CTNNA2: variants seen among roughly 807,000 people sequenced by gnomAD.
CTNNA2 encodes catenin alpha-2.
In CTNNA2, 42 loss-of-function variants were observed where a neutral mutation model predicts 101.0. That is an observed-to-expected ratio of 0.42 (90% CI 0.32 to 0.54). The LOEUF is 0.54. Ranked by LOEUF, CTNNA2 falls within the 20% of genes least tolerant of loss-of-function variation. The probability of loss-of-function intolerance (pLI) is 0.14; values close to 1 mark genes in which losing one functional copy is unlikely to be tolerated. For missense variants in CTNNA2, 871 were observed against 1,223.1 expected (o/e 0.71, Z 4.29); for synonymous variants, 450 against 456.4 (o/e 0.99, Z 0.18).
intron 1 of CTNNA2, among the ~76,000 whole-genome samples, chr2:79,646,981 TTCTAAG>T (rs1394986813): frequency 6.6e-6 from 1 of 152,262 alleles, no homozygotes; most frequent in Non-Finnish European, 1.5e-5. Context: ...CCAGTCTGTA[TTCTAAG>T]TCTCTCTACC....
Position 80,599,155 on chromosome 2 carries a change from TTAAAAA to T in CTNNA2, c.2190-4916_2190-4911del, listed in dbSNP as rs1160592397. Among the ~76,000 whole-genome samples, 3 of 152,220 alleles carry T rather than the reference TTAAAAA, an allele frequency of 2.0e-5. No individual in the cohort carries two copies. The South Asian group carries it at 6.2e-4, about 32-fold the overall frequency. On this transcript the variant is annotated intron_variant, in intron 15 of 18. Coordinates refer to ENST00000402739, the MANE Select transcript of CTNNA2 (RefSeq NM_001282597.3). ...ATCTGTAATATTTCAAAATAAAAAG[TTAAAAA>T]TAGAAGACAAACTTAAATAAAATTA...
At chr2:80,082,767 G>T (rs564868141) in intron 7 of CTNNA2, among the ~76,000 whole-genome samples, 1 of 152,190 alleles carries the variant, frequency 6.6e-6, no homozygotes. Flanking sequence ...TTCTTTATAT[G>T]CTATAGCTTT....
chr2:79,196,590 C>A (rs1238422466), intron 1 of CTNNA2, among the ~76,000 whole-genome samples: 1 of 152,174 alleles, frequency 6.6e-6, no homozygotes, highest in Non-Finnish European at 1.5e-5. Context: ...CTATTTTGTA[C>A]AATTGCCCAG....
Position 80,555,211 on chromosome 2 carries a change from T to A in CTNNA2, c.1541-482T>A, listed in dbSNP as rs533288318. 2.6e-5 allele frequency among the ~76,000 whole-genome samples: 4 copies of A among 152,346 alleles called. No homozygotes were observed. In the East Asian group the frequency reaches 7.7e-4, roughly 29 times the overall value. On this transcript the variant is annotated intron_variant, in intron 11 of 18. Coordinates refer to ENST00000402739, the MANE Select transcript of CTNNA2 (RefSeq NM_001282597.3). ...ATGAAAACATGATTAAAGAAACATGTGTCCAAAGCTTTGACTCTGGTTTTA... is the reference window on the plus strand; with the variant it reads ...ATGAAAACATGATTAAAGAAACATGAGTCCAAAGCTTTGACTCTGGTTTTA...
At chr2:79,639,912 GTATTT>G (rs1481402824) in intron 1 of CTNNA2, among the ~76,000 whole-genome samples, 1 of 150,694 alleles carries the variant, frequency 6.6e-6, no homozygotes, top group African/African-American at 2.5e-5. Context: ...CAGAACATTT[GTATTT>G]TATTTTAACT....
At chr2:79,865,941 GA>G (rs1318462144) in intron 4 of CTNNA2, among the ~76,000 whole-genome samples, 13 of 152,292 alleles carry the variant, frequency 8.5e-5, no homozygotes, top group Non-Finnish European at 2.9e-5. Flanking sequence ...GGATGGTCTC[GA>G]AATCCTGACC....
intron 9 of CTNNA2, among the ~76,000 whole-genome samples, chr2:80,494,401 GA>G (rs1377599217): frequency 2.0e-5 from 3 of 152,168 alleles, no homozygotes; most frequent in Non-Finnish European, 4.4e-5. Flanking sequence ...ATACATTCAT[GA>G]AAAGAGTAAC....
chr2:79,961,020 G>T (rs1380543742), intron 7 of CTNNA2, among the ~76,000 whole-genome samples: 3 of 152,160 alleles, frequency 2.0e-5, no homozygotes, highest in Non-Finnish European at 2.9e-5. Flanking sequence ...CTTTTTAATA[G>T]AACTTAGATA....
intron 12 of CTNNA2, among the ~76,000 whole-genome samples, chr2:80,559,891 T>TTTATATATATATATATATATACAC (rs67796030): frequency 1.4e-5 from 2 of 146,818 alleles, no homozygotes; most frequent in Non-Finnish European, 1.5e-5. Flanking sequence ...TATATATATA[T>TTTATATATATATATATATATACAC]ACACACACAT....
chr2:79,656,379 G>T (rs1681614567), intron 2 of CTNNA2, among the ~76,000 whole-genome samples: 1 of 152,056 alleles, frequency 6.6e-6, no homozygotes, highest in Non-Finnish European at 1.5e-5. Context: ...ACAACTTTAT[G>T]AATTGAACAA....
rs376331758 is a variant in CTNNA2 at position 79,295,414 on chromosome 2, A to G, written c.-405-17295A>G. On this transcript the variant is annotated intron_variant, in intron 2 of 21. Coordinates refer to the CTNNA2 transcript ENST00000466387. ...AGCTCTAGGCCAGAAGTAAAAGGCCATGGACAAGAGAAAGAGTGCCAATTA... is the reference window on the plus strand; with the variant it reads ...AGCTCTAGGCCAGAAGTAAAAGGCCGTGGACAAGAGAAAGAGTGCCAATTA... Among the ~76,000 whole-genome samples, 448 of 152,298 alleles carry G rather than the reference A, an allele frequency of 2.9e-3. 24 individuals carry two copies. In the South Asian group the frequency reaches 0.09, roughly 31 times the overall value.
At chr2:79,737,658 T>G (rs13020620) in intron 2 of CTNNA2, among the ~76,000 whole-genome samples, 43,799 of 151,982 alleles carry the variant, frequency 0.29, 6,415 homozygotes, top group African/African-American at 0.33. Context: ...CTGGGATGGG[T>G]CCTGAAATTC....
intron 7 of CTNNA2, among the ~76,000 whole-genome samples, chr2:80,072,334 C>A (rs548326191): frequency 6.6e-6 from 1 of 151,896 alleles, no homozygotes; most frequent in African/African-American, 2.4e-5. Flanking sequence ...CCAGTATGTC[C>A]GCTGCCAAAA....
Position 80,600,173 on chromosome 2 carries a change from A to C in CTNNA2, c.2190-3901A>C, listed in dbSNP as rs1364261282. On this transcript the variant is annotated intron_variant, in intron 15 of 18. Transcript: ENST00000402739. Reference sequence around the variant, plus strand: ...TTGGTTACTGGTTGGAAAAATAAAGAGTGTGATTCCTATCTCACCCTATAC... The same window carrying C: ...TTGGTTACTGGTTGGAAAAATAAAGCGTGTGATTCCTATCTCACCCTATAC... Among the ~76,000 whole-genome samples, 4 of 152,036 alleles carry C rather than the reference A, an allele frequency of 2.6e-5. No homozygotes were observed. In the East Asian group the frequency reaches 7.7e-4, roughly 29 times the overall value.
intron 4 of CTNNA2, among the ~76,000 whole-genome samples, chr2:79,423,349 C>T (rs1678558246): frequency 6.6e-6 from 1 of 152,160 alleles, no homozygotes; most frequent in African/African-American, 2.4e-5. Flanking sequence ...TGATACACCA[C>T]AGAGTGACCT....
intron 2 of CTNNA2, among the ~76,000 whole-genome samples, chr2:79,280,657 A>AGAGAGAGAGAGAGAGAGAG (rs1334847406): frequency 1.6e-4 from 8 of 50,250 alleles, no homozygotes; most frequent in African/African-American, 3.3e-4. Context: ...GTGTGTGTGT[A>AGAGAGAGAGAGAGAGAGAG]AGAGAAAGAG....
intron 7 of CTNNA2, among the ~76,000 whole-genome samples, chr2:80,266,666 T>A (rs1673025660): frequency 6.6e-6 from 1 of 152,230 alleles, no homozygotes; most frequent in Non-Finnish European, 1.5e-5. Context: ...TTAAAAAAGA[T>A]AAGTTTGATC....
intron 1 of CTNNA2, among the ~76,000 whole-genome samples, chr2:79,627,505 A>C (rs1002122447): frequency 6.6e-6 from 1 of 152,200 alleles, no homozygotes; most frequent in African/African-American, 2.4e-5. Flanking sequence ...AGAACGCATA[A>C]AGTGCAACTT....
At chr2:80,239,516 GT>G (rs1020117389) in intron 7 of CTNNA2, among the ~76,000 whole-genome samples, 2 of 152,044 alleles carry the variant, frequency 1.3e-5, no homozygotes, top group South Asian at 2.1e-4. Context: ...ATAGTACACT[GT>G]TTTTTTTCTA....
Sources: gnomAD v4.1 joint callset for allele counts (sites outside exome capture counted in the v4.1 genomes callset) on GRCh38, gnomAD v4.1.1 for gene constraint, MANE v1.5 for transcripts, NCBI Gene and HGNC (gene_info 2026-07-23, HGNC 2026-07-21) for gene names.